The following GPR161 variants were observed in gnomAD, a reference collection of about 807,000 sequenced individuals.
The protein encoded by GPR161 is G protein-coupled receptor 161.
Under a neutral mutation model 39.2 loss-of-function variants are expected in GPR161, and 25 were observed. The ratio of observed to expected loss-of-function variants is 0.64; its 90% confidence interval spans 0.47 to 0.89. The LOEUF is 0.89. GPR161 is among the 40% of genes least tolerant of loss of function. The probability of loss-of-function intolerance (pLI) is 0.00; values close to 1 mark genes in which losing one functional copy is unlikely to be tolerated. For synonymous variants in GPR161, 286 were observed against 276.6 expected, an observed-to-expected ratio of 1.03 and a Z score of -0.34; for missense variants, 547 against 677.8, an observed-to-expected ratio of 0.81 and a Z score of 2.14.
intron 1 of GPR161, chr1:168,118,813 C>T (rs930302792): frequency 9.2e-5 from 14 of 151,950 alleles, no homozygotes; most frequent in African/African-American, 2.4e-4. Flanking sequence ...CCAAAGAAGA[C>T]GAGCAAATGG....
intron 3 of GPR161, among the ~76,000 whole-genome samples, chr1:168,095,949 A>G (rs1183006012): frequency 2.0e-5 from 3 of 151,958 alleles, no homozygotes; most frequent in South Asian, 2.1e-4. Flanking sequence ...AGCCTAGCCA[A>G]TATGGTGAAA....
chr1:168,088,224 G>C (rs1694730040), intron 4 of GPR161: 1 of 154,130 alleles, frequency 6.5e-6, no homozygotes, highest in Non-Finnish European at 1.4e-5. Flanking sequence ...AAGGGAGAAG[G>C]TCAGGGAAGT....
chr1:168,099,406 C>A (rs1411055952), intron 2 of GPR161, among the ~76,000 whole-genome samples: 1 of 152,190 alleles, frequency 6.6e-6, no homozygotes, highest in Admixed American at 6.5e-5. Context: ...TCCACCCTGT[C>A]ACCTCGGTAG....
At chr1:168,110,502 T>G in intron 1 of GPR161, among the ~76,000 whole-genome samples, 1 of 12,336 alleles carries the variant, frequency 8.1e-5, no homozygotes, top group Non-Finnish European at 1.9e-4. Flanking sequence ...CTGTCAACAT[T>G]AAAAAAGAAA....
chr1:168,097,873 A>T lies in GPR161; in HGVS notation c.375-641T>A, dbSNP rs537152641. Among the ~76,000 whole-genome samples the T allele has an allele frequency of 2.0e-5, 3 of 152,304 alleles. No individual in the cohort carries two copies. In the East Asian group the frequency reaches 5.8e-4, roughly 29 times the overall value. On this transcript the variant is annotated intron_variant, in intron 2 of 5. Coordinates refer to ENST00000682931, the MANE Select transcript of GPR161 (RefSeq NM_001375883.1). ...GGAAACTAAAGCAGGGAAAGGCTAA[A>T]TAACACACCCCAGACCCATGGGAGA...
chr1:168,136,353 G>T (rs1699370744), intron 1 of GPR161: 1 of 1,472,766 alleles, frequency 6.8e-7, no homozygotes, highest in Non-Finnish European at 9.0e-7. Context: ...AGGGGGCGCG[G>T]CCCGCATCGG....
intron 1 of GPR161, among the ~76,000 whole-genome samples, chr1:168,128,820 T>A (rs2102256308): frequency 6.6e-6 from 1 of 152,306 alleles, no homozygotes; most frequent in South Asian, 2.1e-4. Context: ...TGGCCATATG[T>A]GAGATGGATG....
Position 168,083,581 on chromosome 1 carries a change from A to T in GPR161, c.*1950T>A, listed in dbSNP as rs1694224418. 1 of 152,232 alleles carries T rather than the reference A, an allele frequency of 6.6e-6. No individual in the cohort carries two copies. Among genetic ancestry groups the T allele is most frequent in the Non-Finnish European group, 1.5e-5 (1 of 68,080 alleles). The allele number at this position is 152,232 out of a possible 1,614,324, so 9.4% of individuals were successfully genotyped here. A position where few individuals can be genotyped will look rare whatever the true frequency, so the allele number is the denominator to read the frequency against. On this transcript the variant is annotated 3_prime_UTR_variant, in exon 6 of 6. Transcript: ENST00000682931. ...GTGCTAGAAAAAAATATATACAGGG[A>T]ATATATATAGAAAACGTGAACCACA...
upstream of GPR161, chr1:168,137,012 C>A (rs1165846204): frequency 1.2e-6 from 1 of 864,518 alleles, no homozygotes; most frequent in Non-Finnish European, 1.4e-6. Context: ...GAGCCGCCTC[C>A]CCGCGCCCCG....
chr1:168,106,886 G>A (rs1255227235), intron 1 of GPR161, among the ~76,000 whole-genome samples: 3 of 152,122 alleles, frequency 2.0e-5, no homozygotes, highest in Non-Finnish European at 4.4e-5. Context: ...TTCTATGTCT[G>A]TGTCTTTGTA....
Position 168,094,100 on chromosome 1 carries a change from C to T in GPR161, c.1099+2408G>A, listed in dbSNP as rs555616428. ...CAAACCAACCACAGCTGGTGTTTTC[C>T]GCCTGTGCTCACAGCTTCACCAGCT... On this transcript the variant is annotated intron_variant, in intron 3 of 5. Coordinates refer to ENST00000682931, the MANE Select transcript of GPR161 (RefSeq NM_001375883.1). Among the ~76,000 whole-genome samples the T allele has an allele frequency of 4.6e-5, 7 of 152,320 alleles. No individual in the cohort carries two copies. The South Asian group carries it at 8.3e-4, about 18-fold the overall frequency.
intron 1 of GPR161, among the ~76,000 whole-genome samples, chr1:168,117,253 A>C (rs145867795): frequency 6.6e-6 from 1 of 152,336 alleles, no homozygotes; most frequent in Admixed American, 6.5e-5. Flanking sequence ...TCATTTCCAG[A>C]GTATTGCTTA....
chr1:168,136,609 G>A (rs904813003), intron 1 of GPR161, 130 bp downstream of exon 1: 36 of 1,230,264 alleles, frequency 2.9e-5, no homozygotes, highest in Middle Eastern at 6.2e-4. Flanking sequence ...GAAAGGGAGC[G>A]CCGTGGGGGC....
At chr1:168,111,964 GAA>G (rs34684224) in intron 1 of GPR161, among the ~76,000 whole-genome samples, 26 of 123,916 alleles carry the variant, frequency 2.1e-4, no homozygotes, top group African/African-American at 3.9e-4. Context: ...CTCTTCAACA[GAA>G]AAAAAAAAAA....
At chr1:168,094,654 T>C (rs1695358028) in intron 3 of GPR161, among the ~76,000 whole-genome samples, 1 of 152,206 alleles carries the variant, frequency 6.6e-6, no homozygotes, top group Admixed American at 6.5e-5. Flanking sequence ...ACCTATTTCA[T>C]GAAGATGAGA....
At chr1:168,093,761 G>A (rs1199316460) in intron 3 of GPR161, among the ~76,000 whole-genome samples, 1 of 152,188 alleles carries the variant, frequency 6.6e-6, no homozygotes, top group African/African-American at 2.4e-5. Flanking sequence ...TCAGACAGAG[G>A]GACCAGGGAC....
rs1402973072 is a variant in GPR161 at position 168,136,297 on chromosome 1, T to G, written c.-45+442A>C. The G allele has an allele frequency of 4.1e-6, 6 of 1,458,912 alleles. No homozygotes were observed. In the East Asian group the frequency reaches 1.8e-4, roughly 43 times the overall value. 90.4% of individuals were successfully genotyped at this position (1,458,912 alleles called of 1,614,324 possible). Reference sequence around the variant, plus strand: ...TCCAGCCGAGGGGCGTGACCGCTTCTCCCCACACCCTTTGCCCTGAGCGGG... The same window carrying G: ...TCCAGCCGAGGGGCGTGACCGCTTCGCCCCACACCCTTTGCCCTGAGCGGG... On this transcript the variant is annotated intron_variant, in intron 1 of 5. Coordinates refer to ENST00000682931, the MANE Select transcript of GPR161 (RefSeq NM_001375883.1).
rs1170290718 is a variant in GPR161 at position 168,098,356 on chromosome 1, G to T, written c.375-1124C>A. Among the ~76,000 whole-genome samples, 1 of 152,206 alleles carries T rather than the reference G, an allele frequency of 6.6e-6. No homozygotes were observed. Among genetic ancestry groups the T allele is most frequent in the African/African-American group, 2.4e-5 (1 of 41,454 alleles). Reference sequence around the variant, plus strand: ...CAGCTAAGGACTGGCCCTTTAACTGGAAAGGGTGGGAGGACTCAGACCACA... The same window carrying T: ...CAGCTAAGGACTGGCCCTTTAACTGTAAAGGGTGGGAGGACTCAGACCACA... On this transcript the variant is annotated intron_variant, in intron 2 of 5. Coordinates refer to ENST00000682931, the MANE Select transcript of GPR161 (RefSeq NM_001375883.1). The surrounding 1 kb of genome is among the most constrained non-coding windows in gnomAD (Gnocchi z 4.1).
intron 1 of GPR161, 156 bp from the exon 2 acceptor site, chr1:168,105,050 A>G (rs1485268053): frequency 3.3e-6 from 2 of 602,162 alleles, no homozygotes; most frequent in African/African-American, 1.9e-5. Flanking sequence ...TAAGCGCTAC[A>G]TAAGTGGGCC....
Sources: gnomAD v4.1 joint callset for allele counts (sites outside exome capture counted in the v4.1 genomes callset) on GRCh38, gnomAD v4.1.1 for gene constraint, Gnocchi (gnomAD v3.1) non-coding constraint, MANE v1.5 for transcripts, NCBI Gene and HGNC (gene_info 2026-07-23, HGNC 2026-07-21) for gene names.